RFTN2: variants seen among roughly 807,000 people sequenced by gnomAD.
RFTN2 encodes raftlin-2.
RFTN2 carries 34 observed loss-of-function variants against 52.7 expected under a neutral mutation model. The ratio of observed to expected loss-of-function variants is 0.64; its 90% CI spans 0.49 to 0.86. The LOEUF (loss-of-function observed/expected upper bound fraction) is 0.86. Among genes scored for constraint, RFTN2 ranks in the 40% least tolerant of loss-of-function variants. RFTN2 has a pLI of 0.00. For synonymous variants in RFTN2, 203 were observed against 217.7 expected (o/e 0.93, Z 0.59); for missense variants, 536 against 600.1 (o/e 0.89, Z 1.12).
rs539765988 is a variant in RFTN2 at position 197,588,218 on chromosome 2, C to T, written c.1233+7773G>A. ...GGCATATTTTCCTATTTTTTTCTCTCTCTACATATATATGTTTGCATGCAC... is the reference window on the plus strand; with the variant it reads ...GGCATATTTTCCTATTTTTTTCTCTTTCTACATATATATGTTTGCATGCAC... On this transcript the variant is annotated intron_variant, in intron 8 of 8. Coordinates refer to ENST00000295049, the MANE Select transcript of RFTN2 (RefSeq NM_144629.3). 6.6e-5 allele frequency among the ~76,000 whole-genome samples: 10 copies of T among 152,280 alleles called. No homozygotes were observed. The South Asian group carries it at 2.1e-3, about 32-fold the overall frequency.
Position 197,631,119 on chromosome 2 carries a change from C to A in RFTN2, c.820G>T (p.Gly274Ter), listed in dbSNP as rs754103135. ...GCATCAAGTGTACTAATGACTGATC[C>A]TTTTCTTGTTACTTTCATTGACAGG... The part of the protein sequence containing the change: ...GILSMKVTRK[G>*]SVISTLDADW... The change falls in exon 5 of 9, where the codon GGA becomes TGA. Residue 274 changes from glycine to a stop codon, truncating the protein, a stop_gained. Transcript: ENST00000295049. LOFTEE classifies it high-confidence loss of function. The A allele has an allele frequency of 1.2e-6, 2 of 1,613,074 alleles. No homozygotes were observed. Among genetic ancestry groups the A allele is most frequent in the South Asian group, 2.2e-5 (2 of 91,042 alleles).
At chr2:197,577,305 A>G (rs1390128312) in intron 8 of RFTN2, among the ~76,000 whole-genome samples, 2 of 152,246 alleles carry the variant, frequency 1.3e-5, no homozygotes, top group Non-Finnish European at 2.9e-5. Context: ...TTCGGGGTTC[A>G]CAAAGTCTAC....
chr2:197,604,800 G>C (rs932703053), intron 7 of RFTN2, among the ~76,000 whole-genome samples: 1 of 152,072 alleles, frequency 6.6e-6, no homozygotes, highest in Non-Finnish European at 1.5e-5. Flanking sequence ...TCACTCTGTT[G>C]CCCAGGCTGG....
chr2:197,658,056 T>C (rs2088918018), intron 1 of RFTN2, among the ~76,000 whole-genome samples: 1 of 152,168 alleles, frequency 6.6e-6, no homozygotes, highest in Non-Finnish European at 1.5e-5. Flanking sequence ...GTTTCCACGA[T>C]AGGCTCAGTG....
chr2:197,648,733 C>T (rs895546071), intron 1 of RFTN2, among the ~76,000 whole-genome samples: 7 of 152,186 alleles, frequency 4.6e-5, no homozygotes, highest in Admixed American at 2.6e-4. Flanking sequence ...AGCCTCCACG[C>T]GTGTTAGTCT....
rs1430190636 is a variant in RFTN2 at position 197,637,947 on chromosome 2, C to T, written c.439-3950G>A. Among the ~76,000 whole-genome samples the T allele has an allele frequency of 6.0e-5, 9 of 150,732 alleles. No individual in the cohort carries two copies. The South Asian group carries it at 1.5e-3, about 25-fold the overall frequency. ...GATTCTGGTATGTTGTGTCTTTGTT[C>T]TCGTTGGTTTCAAAGAACATCTTTA... On this transcript the variant is annotated intron_variant, in intron 3 of 8. Coordinates refer to ENST00000295049, the MANE Select transcript of RFTN2 (RefSeq NM_144629.3).
intron 3 of RFTN2, among the ~76,000 whole-genome samples, chr2:197,640,751 G>C (rs1234468624): frequency 6.6e-6 from 1 of 152,158 alleles, no homozygotes; most frequent in East Asian, 1.9e-4. Flanking sequence ...GGCCATCTTG[G>C]CTCCTCCCCC....
At chr2:197,589,009 G>A (rs764957790) in intron 8 of RFTN2, among the ~76,000 whole-genome samples, 6 of 151,998 alleles carry the variant, frequency 3.9e-5, no homozygotes, top group Admixed American at 1.3e-4. Context: ...GGACCACGAG[G>A]TCAGGAGTTT....
intron 8 of RFTN2, among the ~76,000 whole-genome samples, chr2:197,580,781 C>A (rs1243232703): frequency 6.6e-6 from 1 of 152,154 alleles, no homozygotes; most frequent in African/African-American, 2.4e-5. Flanking sequence ...GACTTCTAAA[C>A]CTCTTAAAAC....
intron 6 of RFTN2, among the ~76,000 whole-genome samples, chr2:197,616,900 T>C (rs573259379): frequency 1.3e-5 from 2 of 152,298 alleles, no homozygotes; most frequent in Non-Finnish European, 2.9e-5. Context: ...AAGGTAAAAG[T>C]ATCCCTGAAA....
chr2:197,617,797 C>T lies in RFTN2; in HGVS notation c.1050+3G>A. The T allele has an allele frequency of 6.9e-7, 1 of 1,454,086 alleles. No individual in the cohort carries two copies. Among genetic ancestry groups the T allele is most frequent in the Non-Finnish European group, 9.1e-7 (1 of 1,094,312 alleles). 90.1% of individuals were successfully genotyped at this position (1,454,086 alleles called of 1,614,324 possible). On this transcript the variant is annotated splice_donor_region_variant and intron_variant, in intron 6 of 8. Transcript: ENST00000295049. ...GCTAAATTGTCAGAAAACTGCAGCT[C>T]ACCTCAATAACAGTCCATTGTTCTA...
intron 8 of RFTN2, among the ~76,000 whole-genome samples, chr2:197,590,911 T>TA (rs1469304635): frequency 2.0e-5 from 3 of 152,014 alleles, no homozygotes; most frequent in Non-Finnish European, 2.9e-5. Context: ...TTGCAAAAAG[T>TA]AAAAAAACAA....
chr2:197,627,054 C>T (rs2088376158), intron 5 of RFTN2, among the ~76,000 whole-genome samples: 1 of 152,222 alleles, frequency 6.6e-6, no homozygotes, highest in Non-Finnish European at 1.5e-5. Context: ...GTTTAGGACC[C>T]TGTAGGGACT....
At chr2:197,622,327 C>T (rs2106219980) in intron 5 of RFTN2, among the ~76,000 whole-genome samples, 1 of 152,190 alleles carries the variant, frequency 6.6e-6, no homozygotes, top group East Asian at 1.9e-4. Context: ...TATTTTGAGA[C>T]AAGGTCTCAC....
At chr2:197,591,660 G>T (rs972294663) in intron 8 of RFTN2, among the ~76,000 whole-genome samples, 1 of 152,206 alleles carries the variant, frequency 6.6e-6, no homozygotes, top group Non-Finnish European at 1.5e-5. Flanking sequence ...GGTGGAGCGG[G>T]GGGGCTCAGG....
rs569331794 is a variant in RFTN2, at chr2:197,603,835, A to T, written c.1155-7766T>A. ...CCAGCTACTTGGGAGACTGAGGCAG[A>T]AGAATCGCTTGAACCCGGGAGGTGG... On this transcript the variant is annotated intron_variant, in intron 7 of 8. Coordinates refer to ENST00000295049, the MANE Select transcript of RFTN2 (RefSeq NM_144629.3). 1.3e-3 allele frequency among the ~76,000 whole-genome samples: 200 copies of T among 152,226 alleles called. 1 individual carries two copies. Among genetic ancestry groups the T allele is most frequent in the African/African-American group, 4.5e-3 (186 of 41,542 alleles).
chr2:197,578,764 G>A (rs1020137693), intron 8 of RFTN2, among the ~76,000 whole-genome samples: 3 of 152,146 alleles, frequency 2.0e-5, no homozygotes, highest in Admixed American at 1.3e-4. Flanking sequence ...TCTTCACACG[G>A]ATGCGCATGA....
intron 6 of RFTN2, 111 bp from the exon 7 acceptor site, chr2:197,616,090 G>T: frequency 1.6e-6 from 1 of 619,110 alleles, no homozygotes. Context: ...TTCATCCGCT[G>T]CAGCCTTCCT....
At chr2:197,629,697 C>CACACACACACACAT (rs2088431287) in intron 5 of RFTN2, among the ~76,000 whole-genome samples, 1 of 126,962 alleles carries the variant, frequency 7.9e-6, no homozygotes, top group Non-Finnish European at 1.7e-5. Flanking sequence ...CACACACACA[C>CACACACACACACAT]ACATATTTAT....
Sources: allele counts gnomAD v4.1 joint callset (sites outside exome capture counted in the v4.1 genomes callset), GRCh38; gene constraint gnomAD v4.1.1; transcripts MANE v1.5; gene names NCBI Gene and HGNC (gene_info 2026-07-23, HGNC 2026-07-21).